Variants in SIDT1 observed in about 807,000 individuals in gnomAD.
SIDT1 encodes the protein SID1 transmembrane family, member 1.
Under a neutral mutation model 107.5 loss-of-function variants are expected in SIDT1, and 101 were observed. That is an observed-to-expected ratio of 0.94 (90% CI 0.80 to 1.11). The LOEUF (loss-of-function observed/expected upper bound fraction) is 1.11. SIDT1 is among the 50% of genes least tolerant of loss of function. The pLI, the probability that SIDT1 is intolerant of heterozygous loss-of-function variation, is 0.00. For synonymous variants in SIDT1, 395 were observed against 398.2 expected, an observed-to-expected ratio of 0.99 and a Z score of 0.10; for missense variants, 1,076 against 1,058.2, an observed-to-expected ratio of 1.02 and a Z score of -0.23.
rs1946823111 is a variant in SIDT1 at position 113,625,990 on chromosome 3, T to G, written c.2308-112T>G. The G allele has an allele frequency of 4.1e-5, 31 of 752,244 alleles. No homozygotes were observed. In the South Asian group the frequency reaches 4.9e-4, roughly 12 times the overall value. The allele number at this position is 752,244 out of a possible 1,614,324, so 46.6% of individuals were successfully genotyped here. A position where few individuals can be genotyped will look rare whatever the true frequency, so the allele number is the denominator to read the frequency against. On this transcript the variant is annotated intron_variant, in intron 23 of 24. Coordinates refer to ENST00000264852, the MANE Select transcript of SIDT1 (RefSeq NM_017699.3). ...TGTGGATGGATGTTTTCTTGGAAGCTAACTTTTCGAACCAGACATCTAGTA... is the reference window on the plus strand; with the variant it reads ...TGTGGATGGATGTTTTCTTGGAAGCGAACTTTTCGAACCAGACATCTAGTA...
intron 18 of SIDT1, among the ~76,000 whole-genome samples, chr3:113,611,648 G>T (rs1945751890): frequency 6.6e-6 from 1 of 152,120 alleles, no homozygotes; most frequent in Admixed American, 6.5e-5. Context: ...AATGTATTAG[G>T]CACCTGTAAA....
intron 10 of SIDT1, among the ~76,000 whole-genome samples, chr3:113,596,076 G>A (rs1042521032): frequency 6.6e-6 from 1 of 152,222 alleles, no homozygotes; most frequent in Non-Finnish European, 1.5e-5. Flanking sequence ...GAAGTTCGAT[G>A]GAGCTCAGAG....
At chr3:113,585,367 C>A (rs1280270106) in intron 9 of SIDT1, 97 bp downstream of exon 9, 15 of 890,582 alleles carry the variant, frequency 1.7e-5, no homozygotes, top group Non-Finnish European at 2.2e-5. Context: ...GGCTTCAAAT[C>A]TCCCTCAGCC....
intron 9 of SIDT1, among the ~76,000 whole-genome samples, chr3:113,587,675 A>G (rs1315869848): frequency 6.6e-6 from 1 of 152,198 alleles, no homozygotes; most frequent in Non-Finnish European, 1.5e-5. Context: ...GCCCCTCAAC[A>G]GTGGGTACTG....
chr3:113,571,767 C>G (rs939902763), intron 3 of SIDT1, among the ~76,000 whole-genome samples: 2 of 152,204 alleles, frequency 1.3e-5, no homozygotes, highest in East Asian at 3.8e-4. Flanking sequence ...AACTCCGTCT[C>G]TACTAAAAAA....
At position 113,560,151 on chromosome 3, in the gene SIDT1, G is replaced by T. The variant is rs569783395; in HGVS notation, c.223-6269G>T. 2.0e-5 allele frequency among the ~76,000 whole-genome samples: 3 copies of T among 152,194 alleles called. No individual in the cohort carries two copies. In the South Asian group the frequency reaches 6.2e-4, roughly 32 times the overall value. ...GTTGGAGTAGATGGTCTCCCTAAGCGCCTTCCCAGATGTAAGGTTTTCTAA... is the reference window on the plus strand; with the variant it reads ...GTTGGAGTAGATGGTCTCCCTAAGCTCCTTCCCAGATGTAAGGTTTTCTAA... On this transcript the variant is annotated intron_variant, in intron 1 of 24. Coordinates refer to ENST00000264852, the MANE Select transcript of SIDT1 (RefSeq NM_017699.3).
At chr3:113,582,428 G>C (rs1943428517) in intron 6 of SIDT1, among the ~76,000 whole-genome samples, 1 of 152,036 alleles carries the variant, frequency 6.6e-6, no homozygotes, top group South Asian at 2.1e-4. Context: ...ATTTTCAAAG[G>C]CTTCAGATTT....
intron 20 of SIDT1, among the ~76,000 whole-genome samples, chr3:113,619,272 T>G (rs1055448845): frequency 6.6e-6 from 1 of 152,140 alleles, no homozygotes; most frequent in African/African-American, 2.4e-5. Flanking sequence ...GCCTGAGAGT[T>G]GCAATAGTGG....
downstream of SIDT1, among the ~76,000 whole-genome samples, chr3:113,634,105 A>G (rs1447525094): frequency 6.6e-6 from 1 of 152,232 alleles, no homozygotes; most frequent in Non-Finnish European, 1.5e-5. Context: ...TAATCTCAGC[A>G]GAAAACAGAG....
intron 1 of SIDT1, among the ~76,000 whole-genome samples, chr3:113,534,027 C>T (rs1937794103): frequency 6.6e-6 from 1 of 152,084 alleles, no homozygotes; most frequent in African/African-American, 2.4e-5. Flanking sequence ...TCATTTCTTT[C>T]CTCTAGTGTG....
intron 14 of SIDT1, 181 bp from the exon 15 acceptor site, chr3:113,606,860 A>G: frequency 2.1e-6 from 1 of 485,070 alleles, no homozygotes. Flanking sequence ...ACTTTTTTGT[A>G]AAAAAAGTGC....
At position 113,607,053 on chromosome 3, in the gene SIDT1, A is replaced by C. The variant is rs1359555640; in HGVS notation, c.1417A>C (p.Thr473Pro). 6.2e-7 allele frequency: 1 copy of C among 1,611,166 alleles called. No homozygotes were observed. Among genetic ancestry groups the C allele is most frequent in the Admixed American group, 1.7e-5 (1 of 60,012 alleles). ...CTTGATTTTACAGGTGGTAAATGTC[A>C]CTGGCAACCAGGACATCTGTTACTA... The part of the protein sequence containing the change: ...VITYQTVVNV[T>P]GNQDICYYNF... Residue 473 changes from threonine to proline, a missense_variant, in exon 15 of 25, where the codon ACT (threonine) becomes CCT (proline). Transcript: ENST00000264852.
rs750139542 is a variant in SIDT1 at position 113,627,711 on chromosome 3, C to G, written c.*3C>G. On this transcript the variant is annotated 3_prime_UTR_variant, in exon 25 of 25. Coordinates refer to ENST00000264852, the MANE Select transcript of SIDT1 (RefSeq NM_017699.3). ...GAGACCAGATCCCTGTCTTCTGAAC[C>G]TCCAACATTAAGAGAGGGGAGGGAG... The G allele has an allele frequency of 4.3e-6, 7 of 1,613,126 alleles. 1 individual carries two copies. The South Asian group carries it at 6.6e-5, about 15-fold the overall frequency.
At chr3:113,599,665 T>C (rs1576911300) in intron 10 of SIDT1, among the ~76,000 whole-genome samples, 2 of 152,320 alleles carry the variant, frequency 1.3e-5, no homozygotes. Context: ...GTCTCTCTTA[T>C]ATGTGAAATC....
intron 1 of SIDT1, among the ~76,000 whole-genome samples, chr3:113,543,917 A>G (rs1464403779): frequency 6.6e-6 from 1 of 152,124 alleles, no homozygotes; most frequent in Non-Finnish European, 1.5e-5. Flanking sequence ...TTTTGTCCCT[A>G]AGTACTTCAG....
chr3:113,617,075 A>G (rs988295876), intron 20 of SIDT1, among the ~76,000 whole-genome samples: 11 of 152,192 alleles, frequency 7.2e-5, no homozygotes, highest in African/African-American at 2.7e-4. Context: ...ACCCTTATAA[A>G]TAATCATCCA....
chr3:113,574,765 GT>G (rs1942768911), intron 3 of SIDT1, among the ~76,000 whole-genome samples: 1 of 151,960 alleles, frequency 6.6e-6, no homozygotes, highest in East Asian at 1.9e-4. Context: ...AAACAAAATT[GT>G]TTTTTAGCCT....
At chr3:113,555,845 T>A (rs1940795306) in intron 1 of SIDT1, among the ~76,000 whole-genome samples, 1 of 113,570 alleles carries the variant, frequency 8.8e-6, no homozygotes, top group African/African-American at 3.4e-5. Context: ...ACGGACTATA[T>A]AATCTTTTTT....
chr3:113,612,025 G>T (rs921365426), intron 18 of SIDT1, 61 bp from the exon 19 acceptor site: 3 of 1,220,406 alleles, frequency 2.5e-6, no homozygotes, highest in African/African-American at 3.0e-5. Context: ...GAGAGAGGAT[G>T]ATTTTGATGA....
Sources: allele counts gnomAD v4.1 joint callset (sites outside exome capture counted in the v4.1 genomes callset), GRCh38; gene constraint gnomAD v4.1.1; transcripts MANE v1.5; gene names NCBI Gene and HGNC (gene_info 2026-07-23, HGNC 2026-07-21).